Variants in ORC4 observed in about 807,000 individuals in gnomAD.
The protein encoded by ORC4 is origin recognition complex subunit 4, also known as origin recognition complex, subunit 4 homolog.
Under a neutral mutation model 63.9 loss-of-function variants are expected in ORC4, and 55 were observed. The ratio of observed to expected loss-of-function variants is 0.86; its 90% CI spans 0.69 to 1.08. The LOEUF is 1.08. Ranked by LOEUF, ORC4 falls within the 50% of genes least tolerant of loss-of-function variation. ORC4 has a pLI of 0.00. For synonymous variants in ORC4, 150 were observed against 168.5 expected (o/e 0.89, Z 0.85); for missense variants, 511 against 504.4 (o/e 1.01, Z -0.13).
At position 147,975,948 on chromosome 2, in the gene ORC4, C is replaced by CGA; in HGVS notation, c.9_10dup (p.Arg4LeufsTer9). 1 of 1,584,632 alleles carries CGA rather than the reference C, an allele frequency of 6.3e-7. No homozygotes were observed. The highest frequency in any genetic ancestry group is 2.2e-5 in the East Asian group (1 of 44,598). On this transcript the variant is annotated frameshift_variant, in exon 2 of 14. Coordinates refer to ENST00000392857, the MANE Select transcript of ORC4 (RefSeq NM_181741.4). LOFTEE classifies it high-confidence loss of function. ...AATTAAGCTGTTACTCTTTGATTTA[C>CGA]GACTGCTCATTTCAACAAATTCAAA...
intron 4 of ORC4, 26 bp from the exon 5 acceptor site, chr2:147,958,892 A>G (rs371201491): frequency 6.5e-6 from 6 of 923,372 alleles, no homozygotes; most frequent in Non-Finnish European, 1.1e-5. Flanking sequence ...TTATGAAATA[A>G]TAATAGGTAA....
chr2:148,016,161 T>A (rs1693270236), intron 1 of ORC4, among the ~76,000 whole-genome samples: 2 of 152,150 alleles, frequency 1.3e-5, no homozygotes, highest in South Asian at 4.1e-4. Flanking sequence ...CTTCTCTTAT[T>A]CTCCACAACA....
At chr2:147,994,746 C>T (rs990301345) in intron 1 of ORC4, among the ~76,000 whole-genome samples, 4 of 152,196 alleles carry the variant, frequency 2.6e-5, no homozygotes, top group East Asian at 1.9e-4. Context: ...CAAAAATGGC[C>T]GAGCACAGTG....
intron 1 of ORC4, among the ~76,000 whole-genome samples, chr2:148,007,248 C>A (rs1692690261): frequency 1.3e-5 from 2 of 152,312 alleles, no homozygotes; most frequent in South Asian, 4.1e-4. Flanking sequence ...TCTAGGAAAA[C>A]AGGACCTCAC....
intron 1 of ORC4, among the ~76,000 whole-genome samples, chr2:148,016,536 G>A (rs1466965919): frequency 6.6e-6 from 1 of 152,140 alleles, no homozygotes; most frequent in Non-Finnish European, 1.5e-5. Flanking sequence ...GGGCTACAAA[G>A]TTTTGCCTCA....
intron 1 of ORC4, among the ~76,000 whole-genome samples, chr2:147,981,389 G>A (rs1000031338): frequency 6.6e-6 from 1 of 152,200 alleles, no homozygotes; most frequent in African/African-American, 2.4e-5. Context: ...ATTACTCAGA[G>A]TGGCATGCAA....
rs764273448 is a variant in ORC4 at position 147,972,738 on chromosome 2, C to T, written c.225+1G>A. The T allele has an allele frequency of 6.3e-7, 1 of 1,594,352 alleles. No individual in the cohort carries two copies. On this transcript the variant is annotated splice_donor_variant, in intron 4 of 13. Transcript: ENST00000392857. LOFTEE classifies it high-confidence loss of function. ...AAACACCAGAAATCAACAGCTTTTA[C>T]CATAGTTTTTCCTGATCCTCGGGGT...
At chr2:147,971,227 AAAATAAAT>A (rs969119925) in intron 4 of ORC4, among the ~76,000 whole-genome samples, 2 of 151,968 alleles carry the variant, frequency 1.3e-5, no homozygotes, top group African/African-American at 4.8e-5. Context: ...TCCCATCTCA[AAAATAAAT>A]AAATAAATAA....
chr2:147,974,524 A>G (rs959088839), intron 2 of ORC4, among the ~76,000 whole-genome samples: 1 of 151,820 alleles, frequency 6.6e-6, no homozygotes, highest in Non-Finnish European at 1.5e-5. Flanking sequence ...AATACCAGCT[A>G]CTTGGGAGGC....
chr2:148,019,316 G>A (rs1022116195), intron 1 of ORC4, among the ~76,000 whole-genome samples: 2 of 152,204 alleles, frequency 1.3e-5, no homozygotes, highest in East Asian at 1.9e-4. Context: ...CCGGCCGGGC[G>A]CGGTGGCTCA....
At chr2:147,978,533 G>A (rs1320463243) in intron 1 of ORC4, among the ~76,000 whole-genome samples, 2 of 152,128 alleles carry the variant, frequency 1.3e-5, no homozygotes, top group South Asian at 4.1e-4. Context: ...CTTCTTGTGG[G>A]TCCTTGAACT....
chr2:147,994,127 T>A lies in ORC4; in HGVS notation c.-17-18152A>T, dbSNP rs1474278019. 1.6e-4 allele frequency among the ~76,000 whole-genome samples: 24 copies of A among 152,066 alleles called. 1 individual carries two copies. The highest frequency in any genetic ancestry group is 1.6e-3 in the Admixed American group (24 of 15,252). On this transcript the variant is annotated intron_variant, in intron 1 of 13. Transcript: ENST00000392857. ...ACATTAGCAACAACAACAAAAAACATTCACCAAAAATGTAGATATAAATCT... is the reference window on the plus strand; with the variant it reads ...ACATTAGCAACAACAACAAAAAACAATCACCAAAAATGTAGATATAAATCT...
At chr2:148,004,762 T>C (rs1432757430) in intron 1 of ORC4, among the ~76,000 whole-genome samples, 1 of 151,980 alleles carries the variant, frequency 6.6e-6, no homozygotes, top group Non-Finnish European at 1.5e-5. Context: ...AACAGACACT[T>C]CTCAAGAGAA....
rs143383734 is a variant in ORC4 at position 147,979,736 on chromosome 2, C to T, written c.-17-3761G>A. 9.2e-5 allele frequency among the ~76,000 whole-genome samples: 14 copies of T among 152,130 alleles called. No homozygotes were observed. In the East Asian group the frequency reaches 2.7e-3, roughly 29 times the overall value. Reference sequence around the variant, plus strand: ...TGGTTCTGGCATAAAAACAAACATACAGACCCCAGAATACAGAGTCGAGAA... The same window carrying T: ...TGGTTCTGGCATAAAAACAAACATATAGACCCCAGAATACAGAGTCGAGAA... On this transcript the variant is annotated intron_variant, in intron 1 of 13. Coordinates refer to ENST00000392857, the MANE Select transcript of ORC4 (RefSeq NM_181741.4).
At chr2:148,002,820 C>A (rs1692397858) in intron 1 of ORC4, among the ~76,000 whole-genome samples, 1 of 152,072 alleles carries the variant, frequency 6.6e-6, no homozygotes, top group South Asian at 2.1e-4. Context: ...TAAATGAATC[C>A]AGGAGCTGCT....
At chr2:147,985,973 C>G (rs891943710) in intron 1 of ORC4, among the ~76,000 whole-genome samples, 1 of 152,092 alleles carries the variant, frequency 6.6e-6, no homozygotes, top group Non-Finnish European at 1.5e-5. Flanking sequence ...CTGGGCTTTT[C>G]TTTAGGAGAC....
At chr2:147,975,506 G>GAAAAAAAAAAA (rs36022428) in intron 2 of ORC4, among the ~76,000 whole-genome samples, 1 of 143,704 alleles carries the variant, frequency 7.0e-6, no homozygotes, top group Non-Finnish European at 1.5e-5. Context: ...CAAGAAAAGG[G>GAAAAAAAAAAA]AAAAAAAAAA....
intron 1 of ORC4, among the ~76,000 whole-genome samples, chr2:148,001,444 G>A (rs1449664451): frequency 2.0e-5 from 3 of 152,074 alleles, no homozygotes; most frequent in African/African-American, 7.2e-5. Flanking sequence ...AAGAGAGTAG[G>A]GGCCAATAGT....
At chr2:148,015,307 ATTT>A (rs1158861758) in intron 1 of ORC4, among the ~76,000 whole-genome samples, 1 of 92,288 alleles carries the variant, frequency 1.1e-5, no homozygotes, top group African/African-American at 4.5e-5. Context: ...TGATATTGGA[ATTT>A]TTTTTTTTTT....
Sources: gnomAD v4.1 joint callset for allele counts (sites outside exome capture counted in the v4.1 genomes callset) on GRCh38, gnomAD v4.1.1 for gene constraint, MANE v1.5 for transcripts, NCBI Gene and HGNC (gene_info 2026-07-23, HGNC 2026-07-21) for gene names.